The following LRRIQ3 variants were observed in gnomAD, a reference collection of about 807,000 sequenced individuals.
The protein encoded by LRRIQ3 is leucine-rich repeat and IQ domain-containing protein 3.
In LRRIQ3, 75 loss-of-function variants were observed where a neutral mutation model predicts 59.3. That is an observed-to-expected ratio of 1.26 (90% CI 1.05 to 1.53). The LOEUF is 1.53. Ranked by LOEUF, LRRIQ3 falls within the 40% of genes most tolerant of loss-of-function variation. The pLI is 0.00. For missense variants in LRRIQ3, 831 were observed against 710.0 expected (o/e 1.17, Z -1.94); for synonymous variants, 250 against 231.3 (o/e 1.08, Z -0.73).
chr1:74,090,481 T>G lies in LRRIQ3; in HGVS notation c.868-15691A>C, dbSNP rs191803156. ...AATGATTATCAGGTCAAAAGAAGAC[T>G]GTACCAGAAATACTTAGTAATGAAA... On this transcript the variant is annotated intron_variant, in intron 5 of 7. Coordinates refer to ENST00000354431, the MANE Select transcript of LRRIQ3 (RefSeq NM_001105659.2). Among the ~76,000 whole-genome samples, 16 of 152,196 alleles carry G rather than the reference T, an allele frequency of 1.1e-4. No homozygotes were observed. The East Asian group carries it at 2.9e-3, about 28-fold the overall frequency.
At chr1:74,136,826 G>A (rs1647132527) in intron 4 of LRRIQ3, among the ~76,000 whole-genome samples, 1 of 151,856 alleles carries the variant, frequency 6.6e-6, no homozygotes, top group Non-Finnish European at 1.5e-5. Context: ...AGGCTAAAGG[G>A]AAAACCACTT....
At chr1:74,087,753 T>A (rs1646344764) in intron 5 of LRRIQ3, among the ~76,000 whole-genome samples, 1 of 152,042 alleles carries the variant, frequency 6.6e-6, no homozygotes, top group African/African-American at 2.4e-5. Flanking sequence ...CCATCATATT[T>A]GCATTATACT....
In LRRIQ3 at chr1:74,047,161, T is replaced by C. The variant is rs1331393284; in HGVS notation, c.998-5228A>G. Among the ~76,000 whole-genome samples the C allele has an allele frequency of 4.6e-5, 7 of 152,276 alleles. No individual in the cohort carries two copies. In the East Asian group the frequency reaches 1.4e-3, roughly 29 times the overall value. On this transcript the variant is annotated intron_variant, in intron 6 of 7. Transcript: ENST00000354431. ...TACACACGTATGTTTATTGTGGCAC[T>C]GTTCACTATAGGAAAGACTTGGAAC...
intron 7 of LRRIQ3, among the ~76,000 whole-genome samples, chr1:74,034,645 C>G (rs1285119937): frequency 3.3e-5 from 5 of 151,390 alleles, no homozygotes; most frequent in African/African-American, 9.7e-5. Context: ...GACACACACA[C>G]ACACACACAC....
intron 6 of LRRIQ3, among the ~76,000 whole-genome samples, chr1:74,070,713 A>T (rs1311612165): frequency 6.6e-6 from 1 of 152,002 alleles, no homozygotes; most frequent in East Asian, 1.9e-4. Context: ...GTAAAAAGAA[A>T]TCTAAGCATA....
intron 4 of LRRIQ3, among the ~76,000 whole-genome samples, chr1:74,111,465 A>G (rs1646693482): frequency 1.3e-5 from 2 of 151,980 alleles, no homozygotes. Flanking sequence ...GAAAAACAGA[A>G]AGAAGGTCAC....
At chr1:74,124,873 T>C (rs1378871278) in intron 4 of LRRIQ3, among the ~76,000 whole-genome samples, 2 of 151,982 alleles carry the variant, frequency 1.3e-5, no homozygotes, top group Non-Finnish European at 2.9e-5. Context: ...AATTTTAGGA[T>C]TGTTTTCTCT....
At chr1:74,056,063 C>T (rs928956204) in intron 6 of LRRIQ3, among the ~76,000 whole-genome samples, 30 of 150,726 alleles carry the variant, frequency 2.0e-4, no homozygotes, top group Non-Finnish European at 3.0e-5. Flanking sequence ...GAGAATTGCT[C>T]CAAGTCGGGA....
chr1:74,108,547 C>T (rs1646644574), intron 5 of LRRIQ3, among the ~76,000 whole-genome samples: 1 of 151,628 alleles, frequency 6.6e-6, no homozygotes, highest in Non-Finnish European at 1.5e-5. Context: ...ACAGTCTGGA[C>T]CTTTTGTATT....
At chr1:74,045,545 C>T (rs180747915) in intron 6 of LRRIQ3, among the ~76,000 whole-genome samples, 211 of 152,128 alleles carry the variant, frequency 1.4e-3, no homozygotes, top group African/African-American at 4.9e-3. Flanking sequence ...CTTTGAAAAC[C>T]GGCACAAGAC....
At chr1:74,074,882 T>C in intron 5 of LRRIQ3, 92 bp from the exon 6 acceptor site, 2 of 619,358 alleles carry the variant, frequency 3.2e-6, no homozygotes, top group East Asian at 3.6e-5. Context: ...ATTATCATGA[T>C]TGATTTTCAT....
intron 3 of LRRIQ3, among the ~76,000 whole-genome samples, chr1:74,160,384 A>G (rs1165640259): frequency 1.3e-5 from 2 of 152,136 alleles, no homozygotes; most frequent in African/African-American, 2.4e-5. Flanking sequence ...CATCAGAAAT[A>G]TAAATACTTC....
intron 7 of LRRIQ3, among the ~76,000 whole-genome samples, chr1:74,033,848 T>C (rs1007952734): frequency 6.6e-6 from 1 of 151,994 alleles, no homozygotes; most frequent in Non-Finnish European, 1.5e-5. Context: ...TTTCTAGCTC[T>C]TCCATGCTAA....
In LRRIQ3 at chr1:74,026,193, G is replaced by A. The variant is rs1267364350; in HGVS notation, c.*620C>T. On this transcript the variant is annotated 3_prime_UTR_variant, in exon 8 of 8. Coordinates refer to ENST00000354431, the MANE Select transcript of LRRIQ3 (RefSeq NM_001105659.2). ...CCTGTCTTCACATGTATACCAAACA[G>A]GGCAAACCCATCAAAAGTAAATATA... 1 of 151,794 alleles carries A rather than the reference G, an allele frequency of 6.6e-6. No individual in the cohort carries two copies. The highest frequency in any genetic ancestry group is 1.9e-4 in the East Asian group (1 of 5,176). The allele number at this position is 151,794 out of a possible 1,614,324, so 9.4% of individuals were successfully genotyped here.
At chr1:74,037,282 A>C (rs969996970) in intron 7 of LRRIQ3, among the ~76,000 whole-genome samples, 15 of 152,312 alleles carry the variant, frequency 9.8e-5, no homozygotes, top group African/African-American at 3.1e-4. Context: ...GGCTGTCATC[A>C]AAAAGAACCA....
chr1:74,157,555 T>G (rs75001186), intron 3 of LRRIQ3, among the ~76,000 whole-genome samples: 6,061 of 152,082 alleles, frequency 0.04, 152 homozygotes, highest in South Asian at 0.13. Flanking sequence ...TTTCTTTTTT[T>G]TTGTTTTGTT....
intron 6 of LRRIQ3, among the ~76,000 whole-genome samples, chr1:74,061,182 A>G: frequency 6.6e-6 from 1 of 152,168 alleles, no homozygotes. Context: ...TCCATTCACA[A>G]TAGCCACAAA....
Position 74,183,617 on chromosome 1 carries a change from A to T in LRRIQ3, c.68T>A (p.Ile23Lys). The change falls in exon 2 of 8, where the codon ATA becomes AAA. Residue 23 changes from isoleucine (I) to lysine (K), a missense_variant. Transcript: ENST00000354431. ...AACAAAATCTTTTTGACCTTCTCTTATGTTTTCATTATAGTGACTCCATTC... is the reference window on the plus strand; with the variant it reads ...AACAAAATCTTTTTGACCTTCTCTTTTGTTTTCATTATAGTGACTCCATTC... Reference protein sequence around the residue: ...HEEWSHYNENIREGQKDFVFV... With the variant: ...HEEWSHYNENKREGQKDFVFV... The T allele has an allele frequency of 6.2e-7, 1 of 1,611,956 alleles. No homozygotes were observed. Among genetic ancestry groups the T allele is most frequent in the Non-Finnish European group, 8.5e-7 (1 of 1,178,716 alleles).
chr1:74,125,432 C>T (rs1646920879), intron 4 of LRRIQ3, among the ~76,000 whole-genome samples: 1 of 151,782 alleles, frequency 6.6e-6, no homozygotes, highest in Non-Finnish European at 1.5e-5. Flanking sequence ...TTGTTGTGTT[C>T]CAGATCTTAG....
Sources: allele counts gnomAD v4.1 joint callset (sites outside exome capture counted in the v4.1 genomes callset), GRCh38; gene constraint gnomAD v4.1.1; transcripts MANE v1.5; gene names NCBI Gene and HGNC (gene_info 2026-07-23, HGNC 2026-07-21).